The following ANO3 variants were observed in gnomAD, a reference collection of about 807,000 sequenced individuals.
The protein encoded by ANO3 is anoctamin-3.
In ANO3, 99 loss-of-function variants were observed where a neutral mutation model predicts 144.8. The ratio of observed to expected loss-of-function variants is 0.68; its 90% CI spans 0.58 to 0.81. The LOEUF (loss-of-function observed/expected upper bound fraction) is 0.81. ANO3 is among the 30% of genes least tolerant of loss of function. ANO3 has a pLI of 0.00. For missense variants in ANO3, 905 were observed against 1,202.2 expected (o/e 0.75, Z 3.66); for synonymous variants, 414 against 392.6 (o/e 1.05, Z -0.64).
chr11:26,368,941 T>G (rs1335124490), intron 1 of ANO3, among the ~76,000 whole-genome samples: 1 of 152,108 alleles, frequency 6.6e-6, no homozygotes, highest in East Asian at 1.9e-4. Flanking sequence ...CATATAAAAT[T>G]TTTATCAACT....
intron 1 of ANO3, among the ~76,000 whole-genome samples, chr11:26,208,950 A>G (rs972106788): frequency 2.0e-5 from 3 of 152,200 alleles, no homozygotes; most frequent in Admixed American, 6.5e-5. Context: ...CTTCCTGTAA[A>G]TGAAAAAGCT....
chr11:26,208,837 T>C (rs2133779673), intron 1 of ANO3, among the ~76,000 whole-genome samples: 1 of 152,296 alleles, frequency 6.6e-6, no homozygotes, highest in Middle Eastern at 3.4e-3. Flanking sequence ...ATTTGTTGAG[T>C]TTTGAAGACA....
intron 4 of ANO3, among the ~76,000 whole-genome samples, chr11:26,503,372 C>T (rs990188765): frequency 7.9e-5 from 12 of 152,184 alleles, no homozygotes; most frequent in Admixed American, 4.6e-4. Flanking sequence ...GATGTAATGA[C>T]ACAGGTAATC....
At chr11:26,233,893 G>A (rs1024117708) in intron 1 of ANO3, among the ~76,000 whole-genome samples, 5 of 152,076 alleles carry the variant, frequency 3.3e-5, no homozygotes, top group African/African-American at 4.8e-5. Context: ...GTCAAACAAC[G>A]AGAACACATG....
At chr11:26,408,109 C>A (rs770145148) in intron 1 of ANO3, among the ~76,000 whole-genome samples, 16 of 151,770 alleles carry the variant, frequency 1.1e-4, no homozygotes, top group African/African-American at 2.7e-4. Flanking sequence ...GCAACAAAAG[C>A]CAAAATTGAC....
In ANO3 at chr11:26,500,241, A is replaced by G. The variant is rs151078895; in HGVS notation, c.433-7863A>G. ...TTTTGATTTTCTTCTTTTTTTTACT[A>G]TTATGAATAATGTTTTTATGAAAAT... On this transcript the variant is annotated intron_variant, in intron 4 of 26. Transcript: ENST00000256737. Among the ~76,000 whole-genome samples the G allele has an allele frequency of 4.7e-4, 71 of 151,996 alleles. 1 individual carries two copies. Among genetic ancestry groups the G allele is most frequent in the African/African-American group, 1.6e-3 (66 of 41,518 alleles).
At chr11:26,223,737 T>C (rs1336145170) in intron 1 of ANO3, among the ~76,000 whole-genome samples, 2 of 151,808 alleles carry the variant, frequency 1.3e-5, no homozygotes, top group African/African-American at 4.8e-5. Context: ...CCTCAGGTCG[T>C]TTTTACTCAT....
intron 11 of ANO3, 28 bp from the exon 12 acceptor site, chr11:26,547,388 C>T: frequency 6.2e-7 from 1 of 1,604,884 alleles, no homozygotes; most frequent in Non-Finnish European, 8.5e-7. Flanking sequence ...TGCCTTAACT[C>T]AGTCTAAGGA....
intron 20 of ANO3, among the ~76,000 whole-genome samples, chr11:26,635,605 A>G (rs896219619): frequency 6.6e-6 from 1 of 152,112 alleles, no homozygotes; most frequent in African/African-American, 2.4e-5. Context: ...TGCCACCCCT[A>G]CCTAGACTGT....
At chr11:26,279,258 A>T (rs68023463) in intron 1 of ANO3, among the ~76,000 whole-genome samples, 4,911 of 152,218 alleles carry the variant, frequency 0.032, 148 homozygotes, top group African/African-American at 0.081. Flanking sequence ...TCACAATTTT[A>T]CCTAAGTTAG....
chr11:26,651,133 A>G (rs975839811), intron 24 of ANO3, among the ~76,000 whole-genome samples: 75 of 152,160 alleles, frequency 4.9e-4, no homozygotes, highest in African/African-American at 1.8e-3. Flanking sequence ...AAAATATGTC[A>G]ATATTTGGAA....
At chr11:26,197,937 A>C (rs991629550) in intron 1 of ANO3, among the ~76,000 whole-genome samples, 5 of 151,880 alleles carry the variant, frequency 3.3e-5, no homozygotes, top group Admixed American at 6.6e-5. Context: ...ATGGCATCTC[A>C]CTCAAGCCCA....
chr11:26,610,514 A>C (rs1852069277), intron 17 of ANO3, among the ~76,000 whole-genome samples: 1 of 151,536 alleles, frequency 6.6e-6, no homozygotes, highest in Admixed American at 6.6e-5. Context: ...CTGTGTAAAA[A>C]CTTTTTAATT....
chr11:26,504,839 A>G (rs1279463299), intron 4 of ANO3, among the ~76,000 whole-genome samples: 17 of 151,236 alleles, frequency 1.1e-4, no homozygotes, highest in South Asian at 4.2e-4. Context: ...GTGAAACCCC[A>G]TCTGTACTAA....
chr11:26,209,920 G>T (rs563580727), intron 1 of ANO3, among the ~76,000 whole-genome samples: 1 of 150,158 alleles, frequency 6.7e-6, no homozygotes, highest in African/African-American at 2.4e-5. Flanking sequence ...GCAAACATTT[G>T]CTCCCATTCT....
intron 4 of ANO3, among the ~76,000 whole-genome samples, chr11:26,498,269 G>A (rs760560724): frequency 1.3e-5 from 2 of 151,892 alleles, no homozygotes; most frequent in Non-Finnish European, 2.9e-5. Flanking sequence ...ACCGTTTGAA[G>A]GTCTTTAGTT....
intron 1 of ANO3, among the ~76,000 whole-genome samples, chr11:26,366,605 G>C (rs954016109): frequency 6.6e-6 from 1 of 152,116 alleles, no homozygotes; most frequent in Non-Finnish European, 1.5e-5. Flanking sequence ...CAGTGTAAAA[G>C]TGTTCCTACT....
chr11:26,373,348 T>C (rs1025716167), intron 1 of ANO3, among the ~76,000 whole-genome samples: 53 of 152,082 alleles, frequency 3.5e-4, no homozygotes, highest in African/African-American at 1.3e-3. Flanking sequence ...GATCTGATGG[T>C]TTTATAAGTG....
Position 26,312,867 on chromosome 11 carries a change from G to A in ANO3, c.-3+3148G>A, listed in dbSNP as rs753017946. 1.9e-4 allele frequency among the ~76,000 whole-genome samples: 29 copies of A among 152,224 alleles called. 1 individual carries two copies. Among genetic ancestry groups the A allele is most frequent in the African/African-American group, 3.4e-4 (14 of 41,544 alleles). ...TAATTAGATCTCATTTGTCAATTTC[G>A]AAAGGCTTCTCTTCTTTTAGCACAG... On this transcript the variant is annotated intron_variant, in intron 1 of 26. Transcript: ENST00000525139.
Sources: allele counts gnomAD v4.1 joint callset (sites outside exome capture counted in the v4.1 genomes callset), GRCh38; gene constraint gnomAD v4.1.1; transcripts MANE v1.5; gene names NCBI Gene and HGNC (gene_info 2026-07-23, HGNC 2026-07-21).